The following COLEC10 variants were observed in gnomAD, a reference collection of about 807,000 sequenced individuals.
COLEC10 encodes the protein collectin subfamily member 10, also known as collectin-10.
In COLEC10, 22 loss-of-function variants were observed where a neutral mutation model predicts 28.4. The ratio of observed to expected loss-of-function variants is 0.78; its 90% CI spans 0.55 to 1.11. The LOEUF (loss-of-function observed/expected upper bound fraction) is 1.11, where lower values mean the gene tolerates loss of function less well. Ranked by LOEUF, COLEC10 falls within the 50% of genes least tolerant of loss-of-function variation. COLEC10 has a pLI of 0.00. For synonymous variants in COLEC10, 125 were observed against 116.1 expected (o/e 1.08, Z -0.49); for missense variants, 361 against 344.1 (o/e 1.05, Z -0.39).
intron 1 of COLEC10, among the ~76,000 whole-genome samples, chr8:119,005,680 T>C (rs1813781436): frequency 6.6e-6 from 1 of 152,268 alleles, no homozygotes; most frequent in South Asian, 2.1e-4. Context: ...AGAGTGTTAA[T>C]ATAAAACAGA....
At chr8:119,032,011 A>G (rs1466396920) in intron 2 of COLEC10, among the ~76,000 whole-genome samples, 3 of 152,210 alleles carry the variant, frequency 2.0e-5, no homozygotes, top group Admixed American at 6.5e-5. Flanking sequence ...TGTGAGGTAA[A>G]TACCAGTATT....
At chr8:118,987,800 C>A in the COLEC10 span, among the ~76,000 whole-genome samples, 33 of 152,150 alleles carry the variant, frequency 2.2e-4, no homozygotes, top group Admixed American at 2.6e-4. Flanking sequence ...TATATTTCAC[C>A]AAAATATTTA....
rs147770111 is a variant in COLEC10 at position 119,051,205 on chromosome 8, G to A, written n.236-38475G>A. On this transcript the variant is annotated intron_variant and non_coding_transcript_variant, in intron 2 of 6. Coordinates refer to the COLEC10 transcript ENST00000521788. ...AATTTTCAAAATTGAATAAATAAAA[G>A]CATGAATTATAAATAATGTACCCAC... 5.6e-3 allele frequency among the ~76,000 whole-genome samples: 855 copies of A among 152,076 alleles called. 13 individuals are homozygous for A. Among genetic ancestry groups the A allele is most frequent in the African/African-American group, 0.02 (834 of 41,476 alleles).
At chr8:118,967,732 G>A in the COLEC10 span, among the ~76,000 whole-genome samples, 2 of 151,988 alleles carry the variant, frequency 1.3e-5, no homozygotes, top group East Asian at 1.9e-4. Flanking sequence ...TTTAGTAGCT[G>A]GAACATTTAG....
At chr8:119,096,247 T>C (rs769219897) in intron 3 of COLEC10, among the ~76,000 whole-genome samples, 3 of 152,132 alleles carry the variant, frequency 2.0e-5, no homozygotes, top group Non-Finnish European at 2.9e-5. Flanking sequence ...AAACAGGATA[T>C]GACAAAGACT....
At chr8:119,105,710 A>G (rs1426758641) in intron 5 of COLEC10, 90 bp from the exon 6 acceptor site, 1 of 1,167,748 alleles carries the variant, frequency 8.6e-7, no homozygotes, top group South Asian at 1.6e-5. Context: ...AATATTGAAT[A>G]AATAAATGTA....
At position 119,013,093 on chromosome 8, in the gene COLEC10, C is replaced by A. The variant is rs1378653457; in HGVS notation, n.235+3540C>A. 4.7e-5 allele frequency among the ~76,000 whole-genome samples: 7 copies of A among 149,980 alleles called. 1 individual carries two copies. The highest frequency in any genetic ancestry group is 7.4e-5 in the Non-Finnish European group (5 of 67,650). On this transcript the variant is annotated intron_variant and non_coding_transcript_variant, in intron 2 of 6. Transcript: ENST00000521788. Reference sequence around the variant, plus strand: ...TTTCTTCTTTTCTATTAAGTGCATTCAATACTATTATTTTCCTTCTAAGCA... The same window carrying A: ...TTTCTTCTTTTCTATTAAGTGCATTAAATACTATTATTTTCCTTCTAAGCA...
chr8:118,960,041 G>A, the COLEC10 span, among the ~76,000 whole-genome samples: 11 of 152,304 alleles, frequency 7.2e-5, no homozygotes, highest in East Asian at 1.9e-3. Context: ...AAGAGAAGGT[G>A]TTTCAAACAT....
At chr8:118,984,258 T>C in the COLEC10 span, among the ~76,000 whole-genome samples, 1 of 152,044 alleles carries the variant, frequency 6.6e-6, no homozygotes, top group Admixed American at 6.6e-5. Context: ...TATATGTTCT[T>C]ACGTATAAGT....
the COLEC10 span, among the ~76,000 whole-genome samples, chr8:118,978,353 A>G: frequency 6.6e-6 from 1 of 152,096 alleles, no homozygotes; most frequent in African/African-American, 2.4e-5. Context: ...TCCAACCAAA[A>G]TTTGAAAAGG....
intron 2 of COLEC10, among the ~76,000 whole-genome samples, chr8:119,013,575 G>C (rs1443829657): frequency 6.6e-6 from 1 of 150,838 alleles, no homozygotes; most frequent in Non-Finnish European, 1.5e-5. Context: ...ATAAGGTGGT[G>C]TTGAAGTCTT....
intron 2 of COLEC10, among the ~76,000 whole-genome samples, chr8:119,023,873 TGTTTTG>T (rs1291000087): frequency 1.3e-5 from 2 of 151,880 alleles, no homozygotes; most frequent in African/African-American, 2.4e-5. Context: ...CAAAAGCACG[TGTTTTG>T]GTTTTAGAAG....
chr8:119,101,579 A>T (rs1815827436), intron 3 of COLEC10, among the ~76,000 whole-genome samples: 1 of 152,202 alleles, frequency 6.6e-6, no homozygotes, highest in East Asian at 1.9e-4. Context: ...GGAAAGTACC[A>T]AGGTTGCTAT....
chr8:119,089,605 C>A, intron 1 of COLEC10, 75 bp from the exon 2 acceptor site: 1 of 1,183,896 alleles, frequency 8.4e-7, no homozygotes, highest in Non-Finnish European at 1.2e-6. Context: ...GTAACCATGT[C>A]CACCTTACCC....
intron 2 of COLEC10, among the ~76,000 whole-genome samples, chr8:119,044,284 C>CT (rs1814551051): frequency 6.6e-6 from 1 of 152,176 alleles, no homozygotes; most frequent in Admixed American, 6.5e-5. Context: ...TATTCTAAAA[C>CT]TTGTCTTCCT....
intron 1 of COLEC10, among the ~76,000 whole-genome samples, chr8:119,083,122 G>A (rs1815400194): frequency 6.6e-6 from 1 of 152,144 alleles, no homozygotes; most frequent in South Asian, 2.1e-4. Context: ...GAGAAAAGCA[G>A]GGGAATTCAT....
the COLEC10 span, among the ~76,000 whole-genome samples, chr8:118,964,849 C>T: frequency 6.6e-6 from 1 of 152,114 alleles, no homozygotes; most frequent in Non-Finnish European, 1.5e-5. Flanking sequence ...AGATACTGTT[C>T]CGTAAGTTTT....
intron 2 of COLEC10, among the ~76,000 whole-genome samples, chr8:119,035,407 G>A (rs949376426): frequency 6.6e-6 from 1 of 152,186 alleles, no homozygotes; most frequent in Non-Finnish European, 1.5e-5. Context: ...GCCCAAAAAT[G>A]GCTGACCCTG....
intron 2 of COLEC10, among the ~76,000 whole-genome samples, chr8:119,020,322 T>C (rs1268306767): frequency 6.6e-6 from 1 of 152,192 alleles, no homozygotes; most frequent in Non-Finnish European, 1.5e-5. Context: ...AATATTTATT[T>C]TGAGCCCAAC....
Sources: gnomAD v4.1 joint callset for allele counts (sites outside exome capture counted in the v4.1 genomes callset) on GRCh38, gnomAD v4.1.1 for gene constraint, MANE v1.5 for transcripts, NCBI Gene and HGNC (gene_info 2026-07-23, HGNC 2026-07-21) for gene names.